The following ZNF616 variants were observed in gnomAD, a reference collection of about 807,000 sequenced individuals.
The protein encoded by ZNF616 is zinc finger protein 616.
Under a neutral mutation model 7.6 loss-of-function variants are expected in ZNF616, and 5 were observed. That is an observed-to-expected ratio of 0.66 (90% CI 0.34 to 1.38). The LOEUF (loss-of-function observed/expected upper bound fraction) is 1.38, where lower values mean the gene tolerates loss of function less well. ZNF616 is among the 40% of genes most tolerant of loss of function. The pLI is 0.04. For synonymous variants in ZNF616, 319 were observed against 317.2 expected (o/e 1.01, Z -0.06); for missense variants, 913 against 948.3 (o/e 0.96, Z 0.49).
chr19:52,130,506 T>C lies in ZNF616; in HGVS notation c.7A>G (p.Thr3Ala). 1.2e-6 allele frequency: 2 copies of C among 1,611,486 alleles called. No homozygotes were observed. The highest frequency in any genetic ancestry group is 1.7e-6 in the Non-Finnish European group (2 of 1,178,528). MA[T>A]QGHLTFKDVA... ...TGAGTAAAGTATCACTCTACCTGAG[T>C]AGCCATCACTGACTCCTTTTCCTTC... Residue 3 changes from threonine to alanine, a missense_variant, in exon 2 of 4, where the codon ACT becomes GCT. Thr to Ala is a moderately conservative substitution (Grantham distance 58). Transcript: ENST00000600228.
intron 2 of ZNF616, among the ~76,000 whole-genome samples, chr19:52,124,456 G>A (rs77639945): frequency 0.052 from 7,978 of 152,292 alleles, 258 homozygotes; most frequent in African/African-American, 0.086. Flanking sequence ...AGCAATGACT[G>A]AAGTTTTGGA....
chr19:52,116,710 G>A lies in ZNF616; in HGVS notation c.454C>T (p.Gln152Ter). ...AGTCTCCCTTCAGTTTGAACTTTCT[G>A]CAGTTCAGCCAGACGTGACTCAAAG... ...SNFESRLAEL[Q>*]KVQTEGRLYE... is the part of the protein sequence containing the mutation. Residue 152 changes from glutamine (Q) to a stop codon, truncating the protein, a stop_gained, in exon 4 of 4, where the codon CAG becomes TAG. Coordinates refer to ENST00000600228, the MANE Select transcript of ZNF616 (RefSeq NM_178523.5). LOFTEE classifies it low-confidence loss of function (END_TRUNC). 6.2e-7 allele frequency: 1 copy of A among 1,614,044 alleles called. No homozygotes were observed. The highest frequency in any genetic ancestry group is 8.5e-7 in the Non-Finnish European group (1 of 1,180,016).
In ZNF616 at chr19:52,130,602, A is replaced by C; in HGVS notation, c.-76-14T>G. 1 of 1,543,184 alleles carries C rather than the reference A, an allele frequency of 6.5e-7. No individual in the cohort carries two copies. The highest frequency in any genetic ancestry group is 8.7e-7 in the Non-Finnish European group (1 of 1,146,716). On this transcript the variant is annotated splice_polypyrimidine_tract_variant and intron_variant, in intron 1 of 3. Transcript: ENST00000600228. The stretch of plus-strand genomic sequence containing the variant: ...CACACATCAAACCTGAAAGTTAAAA[A>C]ATCTGTTGTTTAATGCTTGGAAACA...
intron 1 of ZNF616, among the ~76,000 whole-genome samples, chr19:52,137,344 A>G (rs923529004): frequency 6.6e-6 from 1 of 151,618 alleles, no homozygotes; most frequent in African/African-American, 2.4e-5. Flanking sequence ...AATGGTGTGA[A>G]CCCGGGAGGC....
intron 3 of ZNF616, among the ~76,000 whole-genome samples, chr19:52,123,407 T>C (rs2088879771): frequency 6.6e-6 from 1 of 152,030 alleles, no homozygotes; most frequent in Non-Finnish European, 1.5e-5. Flanking sequence ...ATCAGCACTC[T>C]GGGGTGCCAA....
chr19:52,124,187 C>T, intron 2 of ZNF616, 138 bp from the exon 3 acceptor site: 1 of 1,097,798 alleles, frequency 9.1e-7, no homozygotes, highest in Non-Finnish European at 1.3e-6. Flanking sequence ...AGTTATTGGT[C>T]CCTAATTTTA....
Position 52,133,300 on chromosome 19 carries a change from A to G in ZNF616, c.-76-2712T>C, listed in dbSNP as rs995001686. Reference sequence around the variant, plus strand: ...TAAGCTTTAGGGTCTGTGTGTGTGCATGCATTTAATGGGCAATACCACCAT... The same window carrying G: ...TAAGCTTTAGGGTCTGTGTGTGTGCGTGCATTTAATGGGCAATACCACCAT... On this transcript the variant is annotated intron_variant, in intron 1 of 3. Coordinates refer to ENST00000600228, the MANE Select transcript of ZNF616 (RefSeq NM_178523.5). Among the ~76,000 whole-genome samples the G allele has an allele frequency of 5.9e-5, 9 of 152,332 alleles. 1 individual carries two copies. The highest frequency in any genetic ancestry group is 1.3e-4 in the Admixed American group (2 of 15,294).
chr19:52,129,704 G>C (rs1211076866), intron 2 of ZNF616, among the ~76,000 whole-genome samples: 1 of 151,994 alleles, frequency 6.6e-6, no homozygotes, highest in Non-Finnish European at 1.5e-5. Flanking sequence ...AAGGCAGTTA[G>C]AAATAGTGAC....
rs1600120135 is a variant in ZNF616, at chr19:52,115,382, C to T, written c.1782G>A (p.Gly594=). The T allele has an allele frequency of 1.2e-6, 2 of 1,613,992 alleles. No homozygotes were observed. Among genetic ancestry groups the T allele is most frequent in the Middle Eastern group, 1.6e-4 (1 of 6,062 alleles). The change falls in exon 4 of 4, where the codon GGG becomes GGA. Residue 594 remains glycine (G), a synonymous_variant. Transcript: ENST00000600228. Reference sequence around the variant, plus strand: ...TCTCTCCAGTATGAACTCTTCGATGCCCTACAAGATGTGAATACTGACTGT... The same window carrying T: ...TCTCTCCAGTATGAACTCTTCGATGTCCTACAAGATGTGAATACTGACTGT... ...KVYSQYSHLV[G]HRRVHTGEKP...
chr19:52,129,662 G>A (rs1008840844), intron 2 of ZNF616, among the ~76,000 whole-genome samples: 4 of 152,120 alleles, frequency 2.6e-5, no homozygotes, highest in African/African-American at 9.7e-5. Flanking sequence ...TCTAATGTCT[G>A]TATCTAGTTT....
At chr19:52,119,633 G>A (rs1036055287) in intron 3 of ZNF616, among the ~76,000 whole-genome samples, 10 of 152,032 alleles carry the variant, frequency 6.6e-5, no homozygotes, top group African/African-American at 2.2e-4. Context: ...AGAGCTGTAG[G>A]TATATAATTT....
At chr19:52,131,943 G>C (rs906337227) in intron 1 of ZNF616, among the ~76,000 whole-genome samples, 1 of 152,108 alleles carries the variant, frequency 6.6e-6, no homozygotes, top group African/African-American at 2.4e-5. Flanking sequence ...TCCAGGAATA[G>C]GAAAGAGGCC....
At chr19:52,127,381 G>A (rs1329456415) in intron 2 of ZNF616, among the ~76,000 whole-genome samples, 1 of 152,146 alleles carries the variant, frequency 6.6e-6, no homozygotes, top group African/African-American at 2.4e-5. Context: ...ATAATATGTG[G>A]CTGTGTTGTG....
chr19:52,127,605 C>A (rs563096833), intron 2 of ZNF616, among the ~76,000 whole-genome samples: 3 of 152,044 alleles, frequency 2.0e-5, no homozygotes, highest in African/African-American at 7.2e-5. Context: ...AATCACACAG[C>A]GAGCCAGGCC....
intron 2 of ZNF616, among the ~76,000 whole-genome samples, chr19:52,129,707 A>G (rs965381403): frequency 6.6e-6 from 1 of 152,184 alleles, no homozygotes; most frequent in Non-Finnish European, 1.5e-5. Context: ...GCAGTTAGAA[A>G]TAGTGACTCA....
In ZNF616 at chr19:52,116,267, A is replaced by G; in HGVS notation, c.897T>C (p.Cys299=). The part of the protein sequence containing the change: ...RIHTGEKPYK[C]NLCGKSFSQR... ...GACTAAAGGATTTCCCACACAGATT[A>G]CATTTGTAAGGTTTTTCACCGGTAT... Residue 299 remains cysteine, a synonymous_variant, in exon 4 of 4, where the codon TGT becomes TGC. Coordinates refer to ENST00000600228, the MANE Select transcript of ZNF616 (RefSeq NM_178523.5). 5 of 1,613,898 alleles carry G rather than the reference A, an allele frequency of 3.1e-6. No homozygotes were observed. The highest frequency in any genetic ancestry group is 4.2e-6 in the Non-Finnish European group (5 of 1,179,960).
chr19:52,137,282 G>T (rs1267550727), intron 1 of ZNF616, among the ~76,000 whole-genome samples: 1 of 151,728 alleles, frequency 6.6e-6, no homozygotes, highest in African/African-American at 2.4e-5. Context: ...AATTAGCCGG[G>T]CGTGGTGGCG....
chr19:52,130,550 G>T lies in ZNF616; in HGVS notation c.-38C>A. 2 of 1,596,904 alleles carry T rather than the reference G, an allele frequency of 1.3e-6. No individual in the cohort carries two copies. The highest frequency in any genetic ancestry group is 1.7e-6 in the Non-Finnish European group (2 of 1,173,588). ...TTCCTTCCTCTTCTTCCTCTTCTGG[G>T]TTTCTTTCTCAGTCAATGTAATTAT... On this transcript the variant is annotated 5_prime_UTR_variant, in exon 2 of 4. Transcript: ENST00000600228.
At chr19:52,135,314 T>G (rs2088998204) in intron 1 of ZNF616, among the ~76,000 whole-genome samples, 1 of 151,974 alleles carries the variant, frequency 6.6e-6, no homozygotes, top group Non-Finnish European at 1.5e-5. Context: ...CCCAAGACAC[T>G]CGATTCCATT....
Sources: allele counts gnomAD v4.1 joint callset (sites outside exome capture counted in the v4.1 genomes callset), GRCh38; gene constraint gnomAD v4.1.1; transcripts MANE v1.5; gene names NCBI Gene and HGNC (gene_info 2026-07-23, HGNC 2026-07-21).